PLOD3: variants seen among roughly 807,000 people sequenced by gnomAD.
The protein encoded by PLOD3 is procollagen-lysine,2-oxoglutarate 5-dioxygenase 3.
A neutral mutation model predicts 96.9 loss-of-function variants in PLOD3; 73 were observed. That is an observed-to-expected ratio of 0.75 (90% CI 0.62 to 0.92). The LOEUF is 0.92. Among genes scored for constraint, PLOD3 ranks in the 40% least tolerant of loss-of-function variants. The pLI, the probability that PLOD3 is intolerant of heterozygous loss-of-function variation, is 0.00. For synonymous variants in PLOD3, 454 were observed against 413.7 expected, an observed-to-expected ratio of 1.10 and a Z score of -1.18; for missense variants, 1,004 against 1,004.3, an observed-to-expected ratio of 1.00 and a Z score of 0.00.
Position 101,206,778 on chromosome 7 carries a change from C to T in PLOD3, c.2061+1G>A, listed in dbSNP as rs1798091848. ...GGGTGGGTAGTGTGACTGGGGCGCA[C>T]CTCATAGTCCAGGCCCTTGTGGTTG... On this transcript the variant is annotated splice_donor_variant, in intron 18 of 18. Transcript: ENST00000223127. LOFTEE classifies it high-confidence loss of function. 1 of 1,581,760 alleles carries T rather than the reference C, an allele frequency of 6.3e-7. No individual in the cohort carries two copies.
Position 101,206,094 on chromosome 7 carries a change from C to T in PLOD3, c.*187G>A, listed in dbSNP as rs976414336. The T allele has an allele frequency of 6.4e-5, 44 of 685,124 alleles. No homozygotes were observed. Among genetic ancestry groups the T allele is most frequent in the African/African-American group, 1.9e-4 (11 of 57,062 alleles). The allele number at this position is 685,124 out of a possible 1,614,324, so 42.4% of individuals were successfully genotyped here. The stretch of plus-strand genomic sequence containing the variant: ...AACCCCTGTGGGCGGAGGAGAGAGG[C>T]GGGGACTCCGGGAGCTTCCTGAGAG... On this transcript the variant is annotated 3_prime_UTR_variant, in exon 19 of 19. Coordinates refer to ENST00000223127, the MANE Select transcript of PLOD3 (RefSeq NM_001084.5).
At position 101,213,175 on chromosome 7, in the gene PLOD3, G is replaced by A. The variant is rs761931995; in HGVS notation, c.709C>T (p.Arg237Cys). The A allele has an allele frequency of 3.0e-5, 49 of 1,613,504 alleles. No individual in the cohort carries two copies. The highest frequency in any genetic ancestry group is 2.8e-4 in the Admixed American group (17 of 59,974). ...DEVVLKFDRN[R>C]VRIRNVAYDT... ...TAGGCCACGTTCCGGATACGCACAC[G>A]GTTCCGATCAAACTTTAAAACCACT... Residue 237 changes from arginine to cysteine, a missense_variant, in exon 7 of 19, where the codon CGT becomes TGT. Arg to Cys is a radical substitution (Grantham distance 180). Transcript: ENST00000223127.
At position 101,213,176 on chromosome 7, in the gene PLOD3, G is replaced by C. The variant is rs769682899; in HGVS notation, c.708C>G (p.Asn236Lys). 31 of 1,613,456 alleles carry C rather than the reference G, an allele frequency of 1.9e-5. 1 individual carries two copies. The South Asian group carries it at 3.0e-4, about 15-fold the overall frequency. Reference protein sequence around the residue: ...LDEVVLKFDRNRVRIRNVAYD... With the variant: ...LDEVVLKFDRKRVRIRNVAYD... ...AGGCCACGTTCCGGATACGCACACG[G>C]TTCCGATCAAACTTTAAAACCACTT... The change falls in exon 7 of 19, where the codon AAC becomes AAG. Residue 236 changes from asparagine to lysine, a missense_variant. Physicochemically the swap from Asn to Lys is moderately conservative, Grantham distance 94 (BLOSUM62 0). This residue lies in a region of PLOD3 where 690 missense variants were observed against 650.2 expected (regional missense o/e 1.06). Transcript: ENST00000223127.
At chr7:101,209,768 T>C (rs1206298085) in intron 15 of PLOD3, 2 of 271,744 alleles carry the variant, frequency 7.4e-6, no homozygotes, top group Non-Finnish European at 1.4e-5. Flanking sequence ...CTTGGACTTC[T>C]GGCCTCAACC....
intron 16 of PLOD3, among the ~76,000 whole-genome samples, chr7:101,208,402 C>T (rs933499695): frequency 6.6e-6 from 1 of 152,126 alleles, no homozygotes; most frequent in African/African-American, 2.4e-5. Context: ...CCACCATGCC[C>T]GGCTAATTTT....
Position 101,217,382 on chromosome 7 carries a change from C to T in PLOD3, c.-108G>A. The T allele has an allele frequency of 1.7e-6, 2 of 1,144,946 alleles. No homozygotes were observed. Among genetic ancestry groups the T allele is most frequent in the Non-Finnish European group, 2.3e-6 (2 of 881,420 alleles). 70.9% of individuals were successfully genotyped at this position (1,144,946 alleles called of 1,614,324 possible). On this transcript the variant is annotated 5_prime_UTR_variant, in exon 1 of 19. Transcript: ENST00000223127. The stretch of plus-strand genomic sequence containing the variant: ...GAAAGGGGGCGCTCGGGCTGCTGTG[C>T]GGCCGCCGCGGGGAGCAGCTTGGCT...
chr7:101,212,292 T>TCCGG lies in PLOD3; in HGVS notation c.1084_1087dup (p.Glu363AlafsTer25). On this transcript the variant is annotated frameshift_variant, in exon 10 of 19. Coordinates refer to ENST00000223127, the MANE Select transcript of PLOD3 (RefSeq NM_001084.5). LOFTEE classifies it high-confidence loss of function. The stretch of plus-strand genomic sequence containing the variant: ...GGCCTCGCCTGGGCTCAGAGCCTCC[T>TCCGG]CCGGCCCCACGAGCTTCACAGCTGA... 1.2e-6 allele frequency: 2 copies of TCCGG among 1,613,750 alleles called. No individual in the cohort carries two copies. The highest frequency in any genetic ancestry group is 1.7e-6 in the Non-Finnish European group (2 of 1,179,980).
rs751336941 is a variant in PLOD3 at position 101,210,565 on chromosome 7, C to T, written c.1467G>A (p.Pro489=). 4.7e-5 allele frequency: 76 copies of T among 1,614,072 alleles called. No individual in the cohort carries two copies. Among genetic ancestry groups the T allele is most frequent in the East Asian group, 6.7e-5 (3 of 44,894 alleles). ...RDVFSGSDTD[P]DMAFCKSFRD... ...GAAAGCTCTTACAGAAGGCCATGTC[C>T]GGGTCTGTGTCACTGCCCGAGAACA... The change falls in exon 13 of 19, where the codon CCG becomes CCA. Residue 489 remains proline (P), a synonymous_variant. Coordinates refer to ENST00000223127, the MANE Select transcript of PLOD3 (RefSeq NM_001084.5).
chr7:101,217,267 G>A lies in PLOD3; in HGVS notation c.8C>T (p.Ser3Phe), dbSNP rs368815896. Residue 3 changes from serine to phenylalanine, a missense_variant, in exon 1 of 19, where the codon TCC (serine) becomes TTC (phenylalanine). Ser to Phe is a radical substitution (Grantham distance 155, BLOSUM62 -2). Around this residue, in one of 5 missense-constraint regions of PLOD3, gnomAD observed 690 missense variants for 650.2 expected, o/e 1.06. Transcript: ENST00000223127. MTSSGPGPRFLLL... is the reference protein window; with the variant it reads MTFSGPGPRFLLL... ...CAGGAACCGGGGTCCAGGCCCCGAG[G>A]AGGTCATGGTGGGGAGCGGGCCCAG... 4.5e-5 allele frequency: 67 copies of A among 1,487,162 alleles called. 1 individual carries two copies. In the Middle Eastern group the frequency reaches 9.0e-4, roughly 20 times the overall value. 92.1% of individuals were successfully genotyped at this position (1,487,162 alleles called of 1,614,324 possible). A position where few individuals can be genotyped will look rare whatever the true frequency, so the allele number is the denominator to read the frequency against.
chr7:101,217,013 T>G (rs1798288139), intron 1 of PLOD3, among the ~76,000 whole-genome samples, 153 bp downstream of exon 1: 1 of 152,066 alleles, frequency 6.6e-6, no homozygotes, highest in African/African-American at 2.4e-5. Flanking sequence ...AGGGTAGTGA[T>G]GGGCGAGGGG....
chr7:101,213,762 G>A (rs1011592821), intron 6 of PLOD3, among the ~76,000 whole-genome samples: 3 of 151,628 alleles, frequency 2.0e-5, no homozygotes, highest in African/African-American at 2.4e-5. Context: ...GCAGTGGCAC[G>A]ATCTTGGCTC....
In PLOD3 at chr7:101,208,836, C is replaced by T. The variant is rs374236904; in HGVS notation, c.1788+17G>A. On this transcript the variant is annotated intron_variant, in intron 16 of 18. Transcript: ENST00000223127. ...CTCCTCTGGGAAGGCCTCTGCCCTC[C>T]TCGCCCAGGCCCTTACCTCATGCCG... 196 of 1,542,352 alleles carry T rather than the reference C, an allele frequency of 1.3e-4. No homozygotes were observed. Among genetic ancestry groups the T allele is most frequent in the Non-Finnish European group, 1.6e-4 (173 of 1,114,930 alleles).
Position 101,212,656 on chromosome 7 carries a change from C to T in PLOD3, c.880-1G>A. 6.2e-7 allele frequency: 1 copy of T among 1,613,724 alleles called. No individual in the cohort carries two copies. The highest frequency in any genetic ancestry group is 1.3e-5 in the African/African-American group (1 of 74,966). On this transcript the variant is annotated splice_acceptor_variant, in intron 8 of 18. Coordinates refer to ENST00000223127, the MANE Select transcript of PLOD3 (RefSeq NM_001084.5). LOFTEE classifies it high-confidence loss of function. ...CGGCCAGAAACACCCGGGGGGGAGG[C>T]TGGAAGATGCAACACGCAGGGACTC...
intron 9 of PLOD3, 22 bp from the exon 10 acceptor site, chr7:101,212,396 G>T (rs892836045): frequency 1.9e-6 from 3 of 1,612,464 alleles, no homozygotes; most frequent in Non-Finnish European, 2.5e-6. Context: ...AGACATAGGG[G>T]GATGGGCTCA....
intron 2 of PLOD3, 33 bp downstream of exon 2, chr7:101,216,662 G>C: frequency 6.2e-7 from 1 of 1,606,692 alleles, no homozygotes; most frequent in Non-Finnish European, 8.5e-7. Flanking sequence ...CTCCTGCTGG[G>C]ACCCCCTCCC....
At position 101,212,866 on chromosome 7, in the gene PLOD3, G is replaced by A. The variant is rs1436103223; in HGVS notation, c.855C>T (p.Asp285=). ...PEGGCGFCNQ[D]RRTLPGGQPP... is the part of the protein sequence containing the mutation. ...CCTGCCCCCCCGGGAGTGTCCTCCG[G>A]TCCTGGTTGCAGAAGCCACAGCCTC... Residue 285 remains aspartate (D), a synonymous_variant, in exon 8 of 19, where the codon GAC becomes GAT. Transcript: ENST00000223127. 2 of 1,613,108 alleles carry A rather than the reference G, an allele frequency of 1.2e-6. No homozygotes were observed. The highest frequency in any genetic ancestry group is 1.7e-6 in the Non-Finnish European group (2 of 1,179,400).
At chr7:101,214,521 G>A (rs998096306) in intron 6 of PLOD3, among the ~76,000 whole-genome samples, 2 of 152,074 alleles carry the variant, frequency 1.3e-5, no homozygotes, top group Admixed American at 1.3e-4. Context: ...GGATAACCAG[G>A]GACCTTCCCT....
intron 1 of PLOD3, 93 bp downstream of exon 1, chr7:101,217,073 C>T: frequency 7.6e-7 from 1 of 1,317,900 alleles, no homozygotes; most frequent in East Asian, 2.5e-5. Context: ...ACGGGCCAGA[C>T]ACCTCCTCGA....
Position 101,210,645 on chromosome 7 carries a change from G to A in PLOD3, c.1387C>T (p.Gln463Ter). The A allele has an allele frequency of 1.9e-6, 3 of 1,614,138 alleles. No homozygotes were observed. The highest frequency in any genetic ancestry group is 2.5e-6 in the Non-Finnish European group (3 of 1,180,030). Residue 463 changes from glutamine to a stop codon, truncating the protein, a stop_gained, in exon 13 of 19, where the codon CAG (glutamine) becomes TAG (stop). Transcript: ENST00000223127. LOFTEE classifies it high-confidence loss of function. ...VGVWNVPYISQAYVIRGDTLR... is the reference protein window; with the variant it reads ...VGVWNVPYIS Reference sequence around the variant, plus strand: ...GTATCACCCCGGATCACATAGGCCTGGGAGATGTATGGTACATTCCACACA... The same window carrying A: ...GTATCACCCCGGATCACATAGGCCTAGGAGATGTATGGTACATTCCACACA...
Sources: gnomAD v4.1 joint callset for allele counts (sites outside exome capture counted in the v4.1 genomes callset) on GRCh38, gnomAD v4.1.1 for gene constraint, gnomAD v4.1.1 regional missense constraint, MANE v1.5 for transcripts, NCBI Gene and HGNC (gene_info 2026-07-23, HGNC 2026-07-21) for gene names.